The following EXOC2 variants were observed in gnomAD, a reference collection of about 807,000 sequenced individuals.
The protein encoded by EXOC2 is SEC5-like 1.
In EXOC2, 70 loss-of-function variants were observed where a neutral mutation model predicts 131.8. The observed-to-expected ratio is 0.53, with a 90% CI of 0.44 to 0.65. The LOEUF (loss-of-function observed/expected upper bound fraction) is 0.65, where lower values mean the gene tolerates loss of function less well. Ranked by LOEUF, EXOC2 falls within the 30% of genes least tolerant of loss-of-function variation. The pLI, the probability that EXOC2 is intolerant of heterozygous loss-of-function variation, is 0.00. For missense variants in EXOC2, 923 were observed against 1,108.6 expected (o/e 0.83, Z 2.38); for synonymous variants, 411 against 398.4 (o/e 1.03, Z -0.38).
chr6:504,625 AC>A (rs1764424335), intron 23 of EXOC2, among the ~76,000 whole-genome samples: 1 of 152,180 alleles, frequency 6.6e-6, no homozygotes, highest in African/African-American at 2.4e-5. Flanking sequence ...TTCCTGGCTA[AC>A]CCTACACCAA....
At chr6:638,704 G>A (rs9502359) in intron 1 of EXOC2, among the ~76,000 whole-genome samples, 2,468 of 152,232 alleles carry the variant, frequency 0.016, 86 homozygotes, top group African/African-American at 0.055. Context: ...AGGCCGAGGC[G>A]GGCGGATCAC....
intron 23 of EXOC2, among the ~76,000 whole-genome samples, chr6:507,331 C>A (rs1453325678): frequency 3.8e-5 from 2 of 52,960 alleles, no homozygotes; most frequent in East Asian, 2.3e-3. Flanking sequence ...AGAAGTGACC[C>A]CCCCCACACA....
At chr6:655,147 G>A (rs1464122814) in intron 1 of EXOC2, among the ~76,000 whole-genome samples, 2 of 152,190 alleles carry the variant, frequency 1.3e-5, no homozygotes, top group Non-Finnish European at 2.9e-5. Context: ...GATCCAGCAA[G>A]TTAACTACTT....
rs891217327 is a variant in EXOC2 at position 486,612 on chromosome 6, A to G, written c.*59T>C. The G allele has an allele frequency of 1.4e-6, 2 of 1,423,270 alleles. No individual in the cohort carries two copies. Among genetic ancestry groups the G allele is most frequent in the Non-Finnish European group, 9.9e-7 (1 of 1,008,980 alleles). 88.2% of individuals were successfully genotyped at this position (1,423,270 alleles called of 1,614,324 possible). On this transcript the variant is annotated 3_prime_UTR_variant, in exon 28 of 28. Coordinates refer to ENST00000230449, the MANE Select transcript of EXOC2 (RefSeq NM_018303.6). Reference sequence around the variant, plus strand: ...TACACCAAATACCTTTAGGGTACTTAGAGAGTGAACAGTCTTATTACGTGT... The same window carrying G: ...TACACCAAATACCTTTAGGGTACTTGGAGAGTGAACAGTCTTATTACGTGT...
intron 7 of EXOC2, among the ~76,000 whole-genome samples, chr6:605,991 T>C (rs1443832306): frequency 2.0e-5 from 3 of 152,232 alleles, no homozygotes; most frequent in African/African-American, 7.2e-5. Context: ...GGTTGTTCAG[T>C]TTCCATGTAG....
At chr6:557,818 C>T (rs1757503315) in intron 17 of EXOC2, among the ~76,000 whole-genome samples, 1 of 152,032 alleles carries the variant, frequency 6.6e-6, no homozygotes, top group African/African-American at 2.4e-5. Context: ...TGTACCCACC[C>T]CGCAGAGTGG....
At chr6:566,368 G>A (rs1757964795) in intron 13 of EXOC2, among the ~76,000 whole-genome samples, 1 of 152,214 alleles carries the variant, frequency 6.6e-6, no homozygotes, top group Admixed American at 6.5e-5. Context: ...CAGTGGCCCA[G>A]GTGAACACAG....
chr6:643,067 A>G (rs1212681795), intron 1 of EXOC2, among the ~76,000 whole-genome samples: 1 of 152,220 alleles, frequency 6.6e-6, no homozygotes, highest in African/African-American at 2.4e-5. Flanking sequence ...CATCAGAAAG[A>G]CATAACAATC....
In EXOC2 at chr6:637,716, G is replaced by A; in HGVS notation, c.103C>T (p.Pro35Ser). The change falls in exon 2 of 28, where the codon CCC (proline) becomes TCC (serine). Residue 35 changes from proline (P) to serine (S), a missense_variant. By Grantham distance (74) the Pro-to-Ser change is moderately conservative (BLOSUM62 -1). Coordinates refer to ENST00000230449, the MANE Select transcript of EXOC2 (RefSeq NM_018303.6). ...TIRGENLGTG[P>S]TDLIGLTICG... is the part of the protein sequence containing the mutation. ...CTGCCCTTACCTATGAGGTCGGTGG[G>A]GCCAGTCCCCAGATTTTCTCCCCTG... 1 of 1,613,636 alleles carries A rather than the reference G, an allele frequency of 6.2e-7. No homozygotes were observed. Among genetic ancestry groups the A allele is most frequent in the Non-Finnish European group, 8.5e-7 (1 of 1,179,822 alleles).
intron 23 of EXOC2, among the ~76,000 whole-genome samples, chr6:522,599 C>T (rs780517723): frequency 1.0e-4 from 15 of 147,648 alleles, no homozygotes; most frequent in Non-Finnish European, 1.8e-4. Context: ...AAGCATTGAA[C>T]TGGGCTGGGC....
At position 615,175 on chromosome 6, in the gene EXOC2, G is replaced by GT. The variant is rs1491521758; in HGVS notation, c.661+2535_661+2536insA. Among the ~76,000 whole-genome samples the GT allele has an allele frequency of 8.3e-5, 9 of 108,326 alleles. No individual in the cohort carries two copies. The South Asian group carries it at 2.0e-3, about 25-fold the overall frequency. 71.1% of individuals were successfully genotyped at this position (108,326 alleles called of 152,430 possible). A position where few individuals can be genotyped will look rare whatever the true frequency, so the allele number is the denominator to read the frequency against. Reference sequence around the variant, plus strand: ...CAGTAGAGGTTTGAAAAGTATATGTGGGTGTGGGTGTGTGTGTGTGTGTGT... The same window carrying GT: ...CAGTAGAGGTTTGAAAAGTATATGTGTGGTGTGGGTGTGTGTGTGTGTGTGT... On this transcript the variant is annotated intron_variant, in intron 6 of 27. Transcript: ENST00000230449.
rs1023764047 is a variant in EXOC2, at chr6:660,415, C to A, written c.-43-22554G>T. ...TCCATTGCACCCTCCGCCACCTCCA[C>A]TGGAACAGGCGCTGATATTCACATT... On this transcript the variant is annotated intron_variant, in intron 1 of 27. Transcript: ENST00000230449. 5.7e-4 allele frequency among the ~76,000 whole-genome samples: 87 copies of A among 152,306 alleles called. 1 individual carries two copies. The highest frequency in any genetic ancestry group is 2.0e-3 in the African/African-American group (82 of 41,568).
intron 4 of EXOC2, among the ~76,000 whole-genome samples, chr6:620,512 A>G (rs1486719492): frequency 6.6e-6 from 1 of 152,230 alleles, no homozygotes; most frequent in Non-Finnish European, 1.5e-5. Context: ...CCCAACTCAT[A>G]AGGTATAAAC....
intron 24 of EXOC2, 51 bp downstream of exon 24, chr6:499,594 T>G: frequency 6.8e-7 from 1 of 1,474,382 alleles, no homozygotes. Context: ...TCTTTCTTTT[T>G]TCTTTTTTTT....
At chr6:658,447 CTTCT>C (rs1157071350) in intron 1 of EXOC2, among the ~76,000 whole-genome samples, 3 of 151,814 alleles carry the variant, frequency 2.0e-5, no homozygotes, top group Non-Finnish European at 2.9e-5. Flanking sequence ...CATACTTAGA[CTTCT>C]TTGTTTGCCG....
chr6:646,209 T>A (rs149005584), intron 1 of EXOC2, among the ~76,000 whole-genome samples: 129 of 152,320 alleles, frequency 8.5e-4, no homozygotes, highest in African/African-American at 3.0e-3. Flanking sequence ...TTTTGGTAAC[T>A]GTATTATAAT....
intron 11 of EXOC2, among the ~76,000 whole-genome samples, chr6:580,917 A>C (rs1374714962): frequency 1.3e-5 from 2 of 152,206 alleles, no homozygotes; most frequent in Admixed American, 1.3e-4. Flanking sequence ...ATGTATAAAA[A>C]GTTTGCCTCT....
intron 10 of EXOC2, among the ~76,000 whole-genome samples, chr6:593,427 C>A (rs938870541): frequency 6.6e-6 from 1 of 152,128 alleles, no homozygotes; most frequent in African/African-American, 2.4e-5. Flanking sequence ...TCCACACTCA[C>A]GACTGAGAAA....
At chr6:651,060 G>A (rs1402609201) in intron 1 of EXOC2, among the ~76,000 whole-genome samples, 4 of 146,756 alleles carry the variant, frequency 2.7e-5, no homozygotes, top group East Asian at 2.0e-4. Flanking sequence ...GCAGAATCTC[G>A]CTCTGTTGCC....
Sources: gnomAD v4.1 joint callset for allele counts (sites outside exome capture counted in the v4.1 genomes callset) on GRCh38, gnomAD v4.1.1 for gene constraint, MANE v1.5 for transcripts, NCBI Gene and HGNC (gene_info 2026-07-23, HGNC 2026-07-21) for gene names.